RERG: variants seen among roughly 807,000 people sequenced by gnomAD.
The protein encoded by RERG is RAS like estrogen regulated growth inhibitor.
In RERG, 25 loss-of-function variants were observed where a neutral mutation model predicts 23.2. The observed-to-expected ratio is 1.08, with a 90% CI of 0.79 to 1.50. The LOEUF is 1.50. RERG is among the 40% of genes most tolerant of loss of function. The pLI is 0.00. For synonymous variants in RERG, 81 were observed against 89.1 expected (o/e 0.91, Z 0.51); for missense variants, 253 against 250.1 (o/e 1.01, Z -0.08).
chr12:15,187,273 A>G (rs1186981775), intron 2 of RERG, among the ~76,000 whole-genome samples: 1 of 152,128 alleles, frequency 6.6e-6, no homozygotes, highest in Non-Finnish European at 1.5e-5. Context: ...CTTGTTGGAA[A>G]GCAAAGCTTA....
chr12:15,140,247 T>C (rs1864214366), intron 2 of RERG, among the ~76,000 whole-genome samples: 1 of 151,930 alleles, frequency 6.6e-6, no homozygotes, highest in African/African-American at 2.4e-5. Flanking sequence ...CCCTGAGAGT[T>C]CTCTCACTCT....
intron 2 of RERG, among the ~76,000 whole-genome samples, chr12:15,185,315 T>G (rs551390067): frequency 6.6e-6 from 1 of 152,140 alleles, no homozygotes; most frequent in Non-Finnish European, 1.5e-5. Context: ...GACATCAAGA[T>G]TTTTAAAGCT....
chr12:15,218,191 T>A (rs1865468590), intron 1 of RERG: 1 of 152,242 alleles, frequency 6.6e-6, no homozygotes, highest in South Asian at 2.1e-4. Flanking sequence ...TTCTATATTT[T>A]GCTGGACACA....
intron 2 of RERG, among the ~76,000 whole-genome samples, chr12:15,201,822 G>A (rs1317657719): frequency 2.6e-5 from 4 of 151,384 alleles, no homozygotes; most frequent in Non-Finnish European, 5.9e-5. Flanking sequence ...ATATAAGATG[G>A]CTGTTTTCAT....
chr12:15,214,049 G>T (rs897596057), intron 2 of RERG, among the ~76,000 whole-genome samples: 3 of 146,840 alleles, frequency 2.0e-5, no homozygotes, highest in Middle Eastern at 3.5e-3. Flanking sequence ...CGCGTGTGTG[G>T]AGTTTTTACC....
intron 2 of RERG, among the ~76,000 whole-genome samples, chr12:15,148,434 G>A (rs1161697709): frequency 6.6e-6 from 1 of 152,196 alleles, no homozygotes; most frequent in Non-Finnish European, 1.5e-5. Context: ...AACAGCAAAT[G>A]AAGGACCATG....
intron 4 of RERG, 138 bp from the exon 5 acceptor site, chr12:15,109,655 C>A (rs191660717): frequency 3.2e-6 from 2 of 630,994 alleles, no homozygotes; most frequent in Admixed American, 5.7e-5. Flanking sequence ...TCTAATTGTA[C>A]AAACTTTCTA....
chr12:15,167,687 T>C lies in RERG; in HGVS notation c.62-46568A>G, dbSNP rs531065421. ...TAAAAAAGATAGTAGTAGTGGGTGT[T>C]AACTTTAAAAATAGATAATCTAGTT... is the stretch of plus-strand genomic sequence containing the variant. On this transcript the variant is annotated intron_variant, in intron 2 of 4. Coordinates refer to ENST00000256953, the MANE Select transcript of RERG (RefSeq NM_032918.3). 2.4e-3 allele frequency among the ~76,000 whole-genome samples: 358 copies of C among 152,330 alleles called. 1 individual carries two copies. The highest frequency in any genetic ancestry group is 4.8e-3 in the Admixed American group (73 of 15,298).
intron 2 of RERG, among the ~76,000 whole-genome samples, chr12:15,216,202 C>T (rs537782299): frequency 1.3e-5 from 2 of 152,320 alleles, no homozygotes; most frequent in East Asian, 1.9e-4. Context: ...TTAGGAAACA[C>T]TGAGGAGATT....
At chr12:15,185,699 G>A (rs1864981543) in intron 2 of RERG, among the ~76,000 whole-genome samples, 1 of 152,080 alleles carries the variant, frequency 6.6e-6, no homozygotes, top group South Asian at 2.1e-4. Flanking sequence ...AAGGTAAGAG[G>A]AGGGTGAGGG....
chr12:15,199,824 A>C (rs1865192846), intron 2 of RERG, among the ~76,000 whole-genome samples: 1 of 152,128 alleles, frequency 6.6e-6, no homozygotes, highest in South Asian at 2.1e-4. Context: ...GCACCTTCAT[A>C]GAGAAAGCAT....
chr12:15,207,987 A>G (rs1865315780), intron 2 of RERG, among the ~76,000 whole-genome samples: 1 of 152,150 alleles, frequency 6.6e-6, no homozygotes, highest in South Asian at 2.1e-4. Context: ...TCAATCAAAC[A>G]CTAATGTAAG....
chr12:15,186,880 A>C (rs538512222), intron 2 of RERG, among the ~76,000 whole-genome samples: 3 of 152,314 alleles, frequency 2.0e-5, no homozygotes, highest in Non-Finnish European at 2.9e-5. Context: ...CCAGTCAATG[A>C]ATAATACTCA....
At chr12:15,132,132 G>C (rs1864058804) in intron 2 of RERG, among the ~76,000 whole-genome samples, 1 of 152,126 alleles carries the variant, frequency 6.6e-6, no homozygotes, top group South Asian at 2.1e-4. Flanking sequence ...GGTCACTGCT[G>C]TTTCATTGCC....
chr12:15,218,894 A>C (rs1364855175), intron 1 of RERG, among the ~76,000 whole-genome samples: 1 of 151,974 alleles, frequency 6.6e-6, no homozygotes, highest in Non-Finnish European at 1.5e-5. Flanking sequence ...CATGGTGTCC[A>C]CTGCATTCCA....
chr12:15,162,310 A>G (rs186782755), intron 2 of RERG, among the ~76,000 whole-genome samples: 9 of 152,326 alleles, frequency 5.9e-5, no homozygotes, highest in South Asian at 2.1e-4. Context: ...TCTTACATCA[A>G]TCAGAATAAA....
chr12:15,108,893 G>C lies in RERG; in HGVS notation c.*217C>G. ...GTGATTACATGTTCAAATGCCATTA[G>C]AGTGTATCTTATTCAAGCAGGAAAG... On this transcript the variant is annotated 3_prime_UTR_variant, in exon 5 of 5. Coordinates refer to ENST00000256953, the MANE Select transcript of RERG (RefSeq NM_032918.3). 1 of 506,310 alleles carries C rather than the reference G, an allele frequency of 2.0e-6. No homozygotes were observed. The highest frequency in any genetic ancestry group is 3.6e-5 in the South Asian group (1 of 27,788). 31.4% of individuals were successfully genotyped at this position (506,310 alleles called of 1,614,324 possible).
chr12:15,175,054 TG>T (rs949176440), intron 2 of RERG, among the ~76,000 whole-genome samples: 29 of 152,252 alleles, frequency 1.9e-4, no homozygotes, highest in African/African-American at 6.7e-4. Flanking sequence ...TGTTGAAAAT[TG>T]GACATTTTAA....
At chr12:15,203,030 T>C (rs933895557) in intron 2 of RERG, among the ~76,000 whole-genome samples, 12 of 151,778 alleles carry the variant, frequency 7.9e-5, no homozygotes, top group Admixed American at 6.6e-4. Context: ...TGATATCTCA[T>C]TGCAGTTTTG....
Sources: allele counts gnomAD v4.1 joint callset (sites outside exome capture counted in the v4.1 genomes callset), GRCh38; gene constraint gnomAD v4.1.1; transcripts MANE v1.5; gene names NCBI Gene and HGNC (gene_info 2026-07-23, HGNC 2026-07-21).